BAIAP2: variants seen among roughly 807,000 people sequenced by gnomAD.
BAIAP2 encodes BAR/IMD domain-containing adapter protein 2.
BAIAP2 carries 18 observed loss-of-function variants against 63.0 expected under a neutral mutation model. The ratio of observed to expected loss-of-function variants is 0.29; its 90% confidence interval spans 0.20 to 0.42. BAIAP2 has a LOEUF of 0.42. BAIAP2 is among the 10% of genes least tolerant of loss of function. BAIAP2 has a pLI of 1.00. For synonymous variants in BAIAP2, 386 were observed against 307.6 expected (o/e 1.25, Z -2.67); for missense variants, 610 against 734.3 (o/e 0.83, Z 1.96).
At chr17:81,048,713 C>T (rs1437629044) in intron 1 of BAIAP2, among the ~76,000 whole-genome samples, 1 of 152,200 alleles carries the variant, frequency 6.6e-6, no homozygotes, top group Non-Finnish European at 1.5e-5. Context: ...TTTGTACCTT[C>T]AGAAATGCAT....
intron 3 of BAIAP2, among the ~76,000 whole-genome samples, chr17:81,058,453 C>T (rs1484000027): frequency 2.0e-5 from 3 of 152,246 alleles, no homozygotes; most frequent in Non-Finnish European, 4.4e-5. Context: ...GCTCCTGTGA[C>T]GTCTATGTCA....
At chr17:81,100,140 G>GGCCCCT (rs2058289051) in intron 7 of BAIAP2, 60 bp downstream of exon 7, 5 of 1,546,624 alleles carry the variant, frequency 3.2e-6, no homozygotes, top group South Asian at 1.2e-5. Context: ...AAATGACCCA[G>GGCCCCT]GCCCCTGCCC....
chr17:81,106,814 C>A lies in BAIAP2; in HGVS notation c.1407C>A (p.Pro469=), dbSNP rs200377602. The stretch of plus-strand genomic sequence containing the variant: ...AGGACGACCTGGCCATCCCACCCCC[C>A]GATTACGGCGCCGCCTCCCGGGCCT... The part of the protein sequence containing the change: ...LDKDDLAIPP[P]DYGAASRAFP... Residue 469 remains proline, a synonymous_variant, in exon 12 of 14, where the codon CCC becomes CCA. Transcript: ENST00000428708. The A allele has an allele frequency of 1.2e-6, 2 of 1,612,306 alleles. No individual in the cohort carries two copies. Among genetic ancestry groups the A allele is most frequent in the Admixed American group, 1.7e-5 (1 of 59,976 alleles).
intron 1 of BAIAP2, among the ~76,000 whole-genome samples, chr17:81,049,144 C>T (rs370020455): frequency 1.3e-5 from 2 of 152,256 alleles, no homozygotes; most frequent in Non-Finnish European, 2.9e-5. Context: ...GCTCTGCACG[C>T]GCCGGGCTGC....
At chr17:81,111,698 C>A (rs998501283) in intron 13 of BAIAP2, among the ~76,000 whole-genome samples, 1 of 152,236 alleles carries the variant, frequency 6.6e-6, no homozygotes, top group Non-Finnish European at 1.5e-5. Context: ...TGGGCCACTC[C>A]CCTGGTGCCT....
intron 3 of BAIAP2, among the ~76,000 whole-genome samples, chr17:81,082,298 G>C (rs1052406023): frequency 2.6e-5 from 4 of 152,302 alleles, no homozygotes; most frequent in Admixed American, 2.0e-4. Context: ...AGACATGCAC[G>C]CACATATGTG....
At chr17:81,109,190 C>A in intron 13 of BAIAP2, 2 of 1,407,682 alleles carry the variant, frequency 1.4e-6, no homozygotes, top group Non-Finnish European at 9.2e-7. Flanking sequence ...CATCCGCCCC[C>A]CCTCCCCTGT....
At chr17:81,104,307 A>G (rs1470920747) in intron 9 of BAIAP2, among the ~76,000 whole-genome samples, 199 bp downstream of exon 9, 1 of 152,190 alleles carries the variant, frequency 6.6e-6, no homozygotes, top group Non-Finnish European at 1.5e-5. Flanking sequence ...TCTGGTGCTC[A>G]GTGGGGGCAT....
intron 6 of BAIAP2, among the ~76,000 whole-genome samples, chr17:81,091,430 G>T (rs938104556): frequency 6.6e-6 from 1 of 152,048 alleles, no homozygotes; most frequent in Non-Finnish European, 1.5e-5. Context: ...CCTATGCTGG[G>T]GGCAGCCCGG....
In BAIAP2 at chr17:81,103,683, A is replaced by G; in HGVS notation, c.824A>G (p.Lys275Arg). The G allele has an allele frequency of 6.3e-7, 1 of 1,593,510 alleles. No homozygotes were observed. The part of the protein sequence containing the change: ...LVISDPIPGA[K>R]PLPVPPELAP... The stretch of plus-strand genomic sequence containing the variant: ...ATTTCCGACCCCATTCCGGGGGCCA[A>G]GCCCCTGCCGGTGCCCCCCGAGCTG... The change falls in exon 8 of 14, where the codon AAG (lysine) becomes AGG (arginine). Residue 275 changes from lysine (K) to arginine (R), a missense_variant. Around this residue, in one of 5 missense-constraint regions of BAIAP2, gnomAD observed 389 missense variants for 455.6 expected, o/e 0.85. Transcript: ENST00000428708.
intron 3 of BAIAP2, among the ~76,000 whole-genome samples, chr17:81,077,713 C>G (rs1348114037): frequency 6.6e-6 from 1 of 152,208 alleles, no homozygotes. Context: ...GCTGTGGGAG[C>G]GGGTGCCGTC....
At chr17:81,064,793 C>T (rs1043896931) in intron 3 of BAIAP2, among the ~76,000 whole-genome samples, 7 of 151,272 alleles carry the variant, frequency 4.6e-5, no homozygotes, top group African/African-American at 1.7e-4. Flanking sequence ...AAGGGCCTCC[C>T]GTCTTCAGTC....
At chr17:81,108,810 G>A in intron 13 of BAIAP2, 2 of 1,231,238 alleles carry the variant, frequency 1.6e-6, no homozygotes, top group Non-Finnish European at 2.2e-6. Context: ...AGCCTCCTCT[G>A]CCCCAATCTG....
At chr17:81,112,421 G>T (rs1374380397) in intron 13 of BAIAP2, among the ~76,000 whole-genome samples, 1 of 152,248 alleles carries the variant, frequency 6.6e-6, no homozygotes, top group Non-Finnish European at 1.5e-5. Flanking sequence ...GGTGTCGAAA[G>T]CCACTTGCAG....
chr17:81,057,757 T>G, intron 2 of BAIAP2, 124 bp from the exon 3 acceptor site: 1 of 1,418,736 alleles, frequency 7.0e-7, no homozygotes, highest in Non-Finnish European at 9.2e-7. Flanking sequence ...AGTCGAGTAT[T>G]CTCCCAGCTT....
At chr17:81,093,865 C>CG (rs1004893341) in intron 6 of BAIAP2, among the ~76,000 whole-genome samples, 3 of 152,114 alleles carry the variant, frequency 2.0e-5, no homozygotes, top group African/African-American at 2.4e-5. Flanking sequence ...TGGCGACGTG[C>CG]GGGGGGTGTG....
chr17:81,058,599 C>A (rs2050023043), intron 3 of BAIAP2, among the ~76,000 whole-genome samples: 1 of 152,220 alleles, frequency 6.6e-6, no homozygotes, highest in Admixed American at 6.5e-5. Context: ...GCCTGGGAGA[C>A]CCCGGGCCGG....
intron 1 of BAIAP2, among the ~76,000 whole-genome samples, chr17:81,037,283 G>A (rs888467757): frequency 6.6e-6 from 1 of 152,246 alleles, no homozygotes; most frequent in African/African-American, 2.4e-5. Context: ...GCGGTGGGCC[G>A]CAGGTGTCTG....
chr17:81,085,115 G>A (rs1441135011), intron 4 of BAIAP2: 1 of 591,002 alleles, frequency 1.7e-6, no homozygotes, highest in Non-Finnish European at 3.0e-6. Flanking sequence ...GGCTGCAGTG[G>A]CAGCCATGAC....
Sources: allele counts gnomAD v4.1 joint callset (sites outside exome capture counted in the v4.1 genomes callset), GRCh38; gene constraint gnomAD v4.1.1; regional missense constraint gnomAD v4.1.1; transcripts MANE v1.5; gene names NCBI Gene and HGNC (gene_info 2026-07-23, HGNC 2026-07-21).